Variants in MIGA1 observed in about 807,000 individuals in gnomAD.
MIGA1 encodes the protein mitoguardin 1.
Under a neutral mutation model 82.0 loss-of-function variants are expected in MIGA1, and 58 were observed. The observed-to-expected ratio is 0.71, with a 90% CI of 0.57 to 0.88. The LOEUF (loss-of-function observed/expected upper bound fraction) is 0.88. MIGA1 is among the 40% of genes least tolerant of loss of function. MIGA1 has a pLI of 0.00. For synonymous variants in MIGA1, 249 were observed against 253.6 expected, an observed-to-expected ratio of 0.98 and a Z score of 0.17; for missense variants, 751 against 749.1, an observed-to-expected ratio of 1.00 and a Z score of -0.03.
Position 77,801,425 on chromosome 1 carries a change from G to A in MIGA1, c.290G>A (p.Arg97His), listed in dbSNP as rs766210952. ...CTGGCTCATCACTTTAAAAGAAAAC[G>A]TGGAAAGAAGAAAGGAAAAATATTA... The change falls in exon 3 of 16, where the codon CGT becomes CAT. Residue 97 changes from arginine to histidine, a missense_variant. This residue lies in a region of MIGA1 where 482 missense variants were observed against 439.4 expected (regional missense o/e 1.10). Transcript: ENST00000370791. 5.6e-6 allele frequency: 9 copies of A among 1,608,906 alleles called. No homozygotes were observed. Among genetic ancestry groups the A allele is most frequent in the East Asian group, 2.2e-5 (1 of 44,456 alleles).
At chr1:77,834,136 CTTTTTT>C (rs1051220084) in intron 7 of MIGA1, among the ~76,000 whole-genome samples, 1 of 151,346 alleles carries the variant, frequency 6.6e-6, no homozygotes, top group Non-Finnish European at 1.5e-5. Context: ...CTCCTTTTTT[CTTTTTT>C]TTTATTATTC....
At chr1:77,871,124 A>G (rs1160997662) in intron 14 of MIGA1, among the ~76,000 whole-genome samples, 86 of 2,572 alleles carry the variant, frequency 0.033, 2 homozygotes, top group Non-Finnish European at 0.036. Context: ...GGAGAGGGAG[A>G]GGAGGGAGAG....
Position 77,783,248 on chromosome 1 carries a change from G to C in MIGA1, c.92G>C (p.Gly31Ala). ...TTTCATTTAATGAAGATTAGAAGAG[G>C]AGCCATGTCAGAAGAAACAGTAAGT... The change falls in exon 2 of 16, where the codon GGA becomes GCA. Residue 31 changes from glycine to alanine, a missense_variant. Gly to Ala is a moderately conservative substitution (Grantham distance 60). Around this residue, in one of 3 missense-constraint regions of MIGA1, gnomAD observed 482 missense variants for 439.4 expected, o/e 1.10. Transcript: ENST00000370791. The C allele has an allele frequency of 6.3e-7, 1 of 1,587,748 alleles. No individual in the cohort carries two copies.
intron 1 of MIGA1, chr1:77,782,932 A>G (rs945640146): frequency 2.5e-4 from 223 of 907,046 alleles, no homozygotes; most frequent in Non-Finnish European, 2.7e-4. Flanking sequence ...TTATGTAACC[A>G]GAAAAGAGAG....
intron 2 of MIGA1, among the ~76,000 whole-genome samples, chr1:77,787,625 G>T (rs185197154): frequency 6.6e-6 from 1 of 152,058 alleles, no homozygotes; most frequent in East Asian, 2.0e-4. Context: ...CTGACCTCAG[G>T]TGATCTGCCC....
intron 14 of MIGA1, among the ~76,000 whole-genome samples, chr1:77,869,543 C>G (rs1454001552): frequency 7.2e-6 from 1 of 138,908 alleles, no homozygotes; most frequent in Admixed American, 6.9e-5. Flanking sequence ...CCCTCACCTC[C>G]CGGATGGGGC....
At chr1:77,842,981 C>G (rs1684684577) in intron 7 of MIGA1, among the ~76,000 whole-genome samples, 1 of 152,218 alleles carries the variant, frequency 6.6e-6, no homozygotes. Flanking sequence ...ATAAATTGCT[C>G]TGTTTCAAAC....
chr1:77,876,526 T>A lies in MIGA1; in HGVS notation c.*1462T>A, dbSNP rs1427756877. On this transcript the variant is annotated 3_prime_UTR_variant, in exon 16 of 16. Transcript: ENST00000370791. ...CATTTATTAATTAATAAAGGCAATT[T>A]AAAATTTAGTGTTATTTGAAGACTG... 1 of 152,206 alleles carries A rather than the reference T, an allele frequency of 6.6e-6. No individual in the cohort carries two copies. The highest frequency in any genetic ancestry group is 2.4e-5 in the African/African-American group (1 of 41,458). 9.4% of individuals were successfully genotyped at this position (152,206 alleles called of 1,614,324 possible).
chr1:77,850,530 A>T (rs1291590526), intron 8 of MIGA1, among the ~76,000 whole-genome samples: 1 of 152,250 alleles, frequency 6.6e-6, no homozygotes. Context: ...AATGGTCCAC[A>T]TTAAAATAGA....
At chr1:77,824,983 C>T (rs1275566016) in intron 7 of MIGA1, among the ~76,000 whole-genome samples, 4 of 103,148 alleles carry the variant, frequency 3.9e-5, no homozygotes, top group East Asian at 6.3e-4. Flanking sequence ...TTCTATTCCT[C>T]TTTTTTTTTT....
intron 8 of MIGA1, among the ~76,000 whole-genome samples, chr1:77,844,881 C>G (rs567508166): frequency 1.3e-5 from 2 of 152,240 alleles, no homozygotes; most frequent in East Asian, 3.9e-4. Context: ...ACTCAGGAGG[C>G]TGAGGCACAA....
chr1:77,801,011 TCAGA>T, intron 2 of MIGA1, among the ~76,000 whole-genome samples: 1 of 152,314 alleles, frequency 6.6e-6, no homozygotes, highest in African/African-American at 2.4e-5. Context: ...TTGCTGTGAT[TCAGA>T]CAGAAGATTC....
At chr1:77,858,420 G>T (rs1685343350) in intron 8 of MIGA1, among the ~76,000 whole-genome samples, 1 of 151,818 alleles carries the variant, frequency 6.6e-6, no homozygotes. Context: ...AATGAACTAA[G>T]CTTGTTAAAA....
intron 13 of MIGA1, among the ~76,000 whole-genome samples, chr1:77,864,819 C>T (rs1254820775): frequency 6.6e-6 from 1 of 152,162 alleles, no homozygotes; most frequent in Non-Finnish European, 1.5e-5. Context: ...CTCTTTTCAG[C>T]TTCTGTTCTT....
chr1:77,870,258 C>T (rs1490431590), intron 14 of MIGA1, among the ~76,000 whole-genome samples: 1 of 128,364 alleles, frequency 7.8e-6, no homozygotes, highest in Non-Finnish European at 1.7e-5. Context: ...GGGGTGGCTG[C>T]CGGGCGGAGA....
At chr1:77,847,645 G>A (rs1263107548) in intron 8 of MIGA1, 11 of 1,566,308 alleles carry the variant, frequency 7.0e-6, no homozygotes, top group Non-Finnish European at 9.6e-6. Flanking sequence ...CTGGAAGCGT[G>A]TTTGGATGTA....
intron 8 of MIGA1, among the ~76,000 whole-genome samples, chr1:77,845,046 T>G (rs1030437948): frequency 6.6e-6 from 1 of 152,214 alleles, no homozygotes; most frequent in African/African-American, 2.4e-5. Context: ...ATCTCTAGTT[T>G]GGAAGCTTTA....
chr1:77,865,656 A>G (rs1020570199), intron 13 of MIGA1, among the ~76,000 whole-genome samples: 5 of 152,154 alleles, frequency 3.3e-5, no homozygotes, highest in Non-Finnish European at 7.3e-5. Context: ...TGTGTATGTG[A>G]ATTCTATATA....
intron 13 of MIGA1, among the ~76,000 whole-genome samples, chr1:77,864,630 C>T (rs192084024): frequency 1.3e-5 from 2 of 152,122 alleles, no homozygotes; most frequent in African/African-American, 2.4e-5. Context: ...AAGCCGAGAT[C>T]GTGCCGCTGC....
Sources: allele counts gnomAD v4.1 joint callset (sites outside exome capture counted in the v4.1 genomes callset), GRCh38; gene constraint gnomAD v4.1.1; regional missense constraint gnomAD v4.1.1; transcripts MANE v1.5; gene names NCBI Gene and HGNC (gene_info 2026-07-23, HGNC 2026-07-21).